THSD7B: variants seen among roughly 807,000 people sequenced by gnomAD.
THSD7B encodes thrombospondin type-1 domain-containing protein 7B.
A neutral mutation model predicts 213.6 loss-of-function variants in THSD7B; 138 were observed. The ratio of observed to expected loss-of-function variants is 0.65; its 90% confidence interval spans 0.56 to 0.74. The LOEUF (loss-of-function observed/expected upper bound fraction) is 0.74, where lower values mean the gene tolerates loss of function less well. Ranked by LOEUF, THSD7B falls within the 30% of genes least tolerant of loss-of-function variation. The probability of loss-of-function intolerance (pLI) is 0.00; values close to 1 mark genes in which losing one functional copy is unlikely to be tolerated. For synonymous variants in THSD7B, 742 were observed against 687.0 expected, an observed-to-expected ratio of 1.08 and a Z score of -1.25; for missense variants, 1,931 against 1,991.5, an observed-to-expected ratio of 0.97 and a Z score of 0.58.
At chr2:137,378,994 A>G (rs1316670802) in intron 12 of THSD7B, among the ~76,000 whole-genome samples, 1 of 152,148 alleles carries the variant, frequency 6.6e-6, no homozygotes, top group Non-Finnish European at 1.5e-5. Flanking sequence ...GTCAGTCTTT[A>G]TAAGTGATAT....
intron 17 of THSD7B, among the ~76,000 whole-genome samples, chr2:137,615,814 C>CT (rs149499454): frequency 0.12 from 17,897 of 150,872 alleles, 1,157 homozygotes; most frequent in South Asian, 0.21. Flanking sequence ...CAGTTTCTTC[C>CT]TTTTTTTAAA....
chr2:137,377,867 C>T (rs907370688), intron 12 of THSD7B, among the ~76,000 whole-genome samples: 1 of 152,024 alleles, frequency 6.6e-6, no homozygotes, highest in Non-Finnish European at 1.5e-5. Flanking sequence ...CCTCGTGATC[C>T]ACCCGCCTCA....
At position 137,624,560 on chromosome 2, in the gene THSD7B, TCA is replaced by T. The variant is rs1218103433; in HGVS notation, c.3799+3837_3799+3838del. Among the ~76,000 whole-genome samples, 3 of 152,266 alleles carry T rather than the reference TCA, an allele frequency of 2.0e-5. No homozygotes were observed. The East Asian group carries it at 5.8e-4, about 29-fold the overall frequency. ...CAACCTACAGAATGGGAGAAAATTT[TCA>T]CAGTCTACCCATCCGACAAAGGGCT... On this transcript the variant is annotated intron_variant, in intron 20 of 27. Coordinates refer to ENST00000409968, the MANE Select transcript of THSD7B (RefSeq NM_001316349.2).
chr2:137,498,436 C>T (rs185738698), intron 15 of THSD7B, among the ~76,000 whole-genome samples: 5 of 151,452 alleles, frequency 3.3e-5, no homozygotes, highest in Non-Finnish European at 5.9e-5. Context: ...CGTCTTACTT[C>T]GTAATTCCCT....
At chr2:137,169,193 C>T (rs560632334) in intron 6 of THSD7B, among the ~76,000 whole-genome samples, 1 of 149,738 alleles carries the variant, frequency 6.7e-6, no homozygotes, top group Non-Finnish European at 1.5e-5. Context: ...ACTCAAAGCA[C>T]TTAAAAATCC....
chr2:136,985,857 G>A (rs974822458), intron 2 of THSD7B, among the ~76,000 whole-genome samples: 1 of 152,222 alleles, frequency 6.6e-6, no homozygotes, highest in Non-Finnish European at 1.5e-5. Flanking sequence ...AAGCCACAGG[G>A]CAGAACTGCC....
intron 10 of THSD7B, among the ~76,000 whole-genome samples, chr2:137,268,348 C>T (rs2104801118): frequency 6.6e-6 from 1 of 151,478 alleles, no homozygotes; most frequent in South Asian, 2.1e-4. Flanking sequence ...GTTCCCCGCC[C>T]TACGTCCAAG....
intron 5 of THSD7B, among the ~76,000 whole-genome samples, chr2:137,129,785 C>T (rs556609089): frequency 6.6e-6 from 1 of 152,090 alleles, no homozygotes; most frequent in African/African-American, 2.4e-5. Flanking sequence ...TTTCTTAATA[C>T]CATTTATGAT....
intron 2 of THSD7B, among the ~76,000 whole-genome samples, chr2:136,973,443 C>CT (rs1168939708): frequency 6.6e-6 from 1 of 151,844 alleles, no homozygotes; most frequent in South Asian, 2.1e-4. Context: ...CTGTATTTTC[C>CT]TTTTTTCTGC....
chr2:136,888,186 A>C (rs1227234070), intron 2 of THSD7B, among the ~76,000 whole-genome samples: 1 of 152,090 alleles, frequency 6.6e-6, no homozygotes, highest in African/African-American at 2.4e-5. Context: ...CTAAAACTTT[A>C]TATATGCCAA....
At chr2:137,071,213 C>G (rs974639288) in intron 3 of THSD7B, among the ~76,000 whole-genome samples, 1 of 152,182 alleles carries the variant, frequency 6.6e-6, no homozygotes, top group Admixed American at 6.5e-5. Context: ...TCCACATCCT[C>G]TCTAGCACCT....
At chr2:137,513,727 G>A (rs375500643) in intron 15 of THSD7B, among the ~76,000 whole-genome samples, 13 of 152,176 alleles carry the variant, frequency 8.5e-5, no homozygotes, top group East Asian at 5.8e-4. Flanking sequence ...AGCTAGCACC[G>A]TGAGGATTAT....
At position 137,160,367 on chromosome 2, in the gene THSD7B, A is replaced by T. The variant is rs370824809; in HGVS notation, c.1524A>T (p.Lys508Asn). 5.6e-6 allele frequency: 9 copies of T among 1,611,374 alleles called. No homozygotes were observed. Among genetic ancestry groups the T allele is most frequent in the Non-Finnish European group, 7.6e-6 (9 of 1,178,880 alleles). ...ACTGTCATGATCCTCAGGGGAAAAA[A>T]GGTGAGTGCCTTGTTTGCATGCGCT... The part of the protein sequence containing the change: ...HENCHDPQGK[K>N]GFRTRQRHVL... Residue 508 changes from lysine to asparagine, a missense_variant and splice_region_variant, in exon 6 of 28, where the codon AAA becomes AAT. By Grantham distance (94) the Lys-to-Asn change is moderately conservative. Coordinates refer to ENST00000409968, the MANE Select transcript of THSD7B (RefSeq NM_001316349.2).
chr2:137,339,889 T>A (rs1014954417), intron 12 of THSD7B, among the ~76,000 whole-genome samples: 5 of 151,518 alleles, frequency 3.3e-5, no homozygotes, highest in African/African-American at 7.3e-5. Flanking sequence ...TTTTTTTTTT[T>A]AAATCAGACC....
chr2:137,391,551 G>T (rs1273082082), intron 12 of THSD7B, among the ~76,000 whole-genome samples: 1 of 152,096 alleles, frequency 6.6e-6, no homozygotes, highest in South Asian at 2.1e-4. Flanking sequence ...AGCCGGGCAT[G>T]GTAGCATGTG....
At chr2:137,461,851 C>T (rs189385115) in intron 15 of THSD7B, among the ~76,000 whole-genome samples, 43 of 152,214 alleles carry the variant, frequency 2.8e-4, no homozygotes, top group African/African-American at 1.0e-3. Context: ...TCCTCATCAG[C>T]CCTCATCCAG....
chr2:136,984,909 A>G (rs997601127), intron 2 of THSD7B, among the ~76,000 whole-genome samples: 3 of 152,162 alleles, frequency 2.0e-5, no homozygotes, highest in South Asian at 2.1e-4. Flanking sequence ...TCGCCCATGT[A>G]TACCTTAGCA....
At position 136,859,699 on chromosome 2, in the gene THSD7B, G is replaced by A. The variant is rs373272866; in HGVS notation, c.-35-22445G>A. Among the ~76,000 whole-genome samples the A allele has an allele frequency of 3.6e-4, 55 of 152,246 alleles. No individual in the cohort carries two copies. The East Asian group carries it at 9.7e-3, about 27-fold the overall frequency. On this transcript the variant is annotated intron_variant, in intron 1 of 27. Coordinates refer to ENST00000409968, the MANE Select transcript of THSD7B (RefSeq NM_001316349.2). The stretch of plus-strand genomic sequence containing the variant: ...GCAGTTTGAATGGTCAAGCATACTT[G>A]GCCACAGTGCGTTTTTATGTTCATC...
At chr2:136,885,663 T>TA (rs35306523) in intron 2 of THSD7B, among the ~76,000 whole-genome samples, 1 of 152,178 alleles carries the variant, frequency 6.6e-6, no homozygotes, top group African/African-American at 2.4e-5. Flanking sequence ...TGTGCTCTCT[T>TA]AAAAAATTCC....
Sources: gnomAD v4.1 joint callset for allele counts (sites outside exome capture counted in the v4.1 genomes callset) on GRCh38, gnomAD v4.1.1 for gene constraint, MANE v1.5 for transcripts, NCBI Gene and HGNC (gene_info 2026-07-23, HGNC 2026-07-21) for gene names.